The following TRIM49 variants were observed in gnomAD, a reference collection of about 807,000 sequenced individuals.
TRIM49 encodes the protein tripartite motif containing 49, also known as tripartite motif-containing protein 49.
TRIM49 carries 5 observed loss-of-function variants against 27.4 expected under a neutral mutation model. The observed-to-expected ratio is 0.18, with a 90% CI of 0.10 to 0.38. The LOEUF (loss-of-function observed/expected upper bound fraction) is 0.38, where lower values mean the gene tolerates loss of function less well. Among genes scored for constraint, TRIM49 ranks in the 10% least tolerant of loss-of-function variants. The pLI is 1.00. For synonymous variants in TRIM49, 69 were observed against 166.0 expected, an observed-to-expected ratio of 0.42 and a Z score of 4.49; for missense variants, 188 against 487.5, an observed-to-expected ratio of 0.39 and a Z score of 5.79.
chr11:89,805,517 T>A lies in TRIM49; in HGVS notation c.-4-1044A>T, dbSNP rs372605131. Among the ~76,000 whole-genome samples the A allele has an allele frequency of 5.8e-3, 870 of 148,784 alleles. 2 individuals carry two copies. Among genetic ancestry groups the A allele is most frequent in the African/African-American group, 0.021 (826 of 39,536 alleles). Reference sequence around the variant, plus strand: ...CTTCCTCCGTCTCTCTCCTGAAACTTGTTCTGAACCTTTCAGACTTGAGCT... The same window carrying A: ...CTTCCTCCGTCTCTCTCCTGAAACTAGTTCTGAACCTTTCAGACTTGAGCT... On this transcript the variant is annotated intron_variant, in intron 2 of 7. Transcript: ENST00000329758.
At position 89,798,415 on chromosome 11, in the gene TRIM49, A is replaced by G. The variant is rs1341885708; in HGVS notation, c.1074T>C (p.Cys358=). ...GDSWNWAFGV[C]NMYRKEKNQN... ...GATTCTTCTCTTTCCGATACATATT[A>G]CAGACACCAAAAGCCCAATTCCAGG... The change falls in exon 8 of 8, where the codon TGT becomes TGC. Residue 358 remains cysteine (C), a synonymous_variant. Coordinates refer to ENST00000329758, the MANE Select transcript of TRIM49 (RefSeq NM_020358.2). 10 of 1,603,202 alleles carry G rather than the reference A, an allele frequency of 6.2e-6. No individual in the cohort carries two copies. In the Admixed American group the frequency reaches 8.5e-5, roughly 14 times the overall value.
At chr11:89,773,117 G>A in the TRIM49 span, among the ~76,000 whole-genome samples, 209 of 136,440 alleles carry the variant, frequency 1.5e-3, 3 homozygotes, top group Middle Eastern at 0.011. Flanking sequence ...CTTGAACCTC[G>A]GAGGCAGAGG....
chr11:89,805,736 G>C (rs1051932707), intron 2 of TRIM49, among the ~76,000 whole-genome samples: 2 of 122,110 alleles, frequency 1.6e-5, no homozygotes, highest in East Asian at 4.6e-4. Context: ...TTTTTTTTTT[G>C]AGACAGAGTA....
the TRIM49 span, among the ~76,000 whole-genome samples, chr11:89,775,352 C>A: frequency 1.0e-4 from 10 of 99,004 alleles, no homozygotes; most frequent in African/African-American, 5.1e-4. Flanking sequence ...TGCACTCCAG[C>A]CTGAAGTCAG....
At position 89,802,494 on chromosome 11, in the gene TRIM49, C is replaced by T. The variant is rs569410390; in HGVS notation, c.508-562G>A. Among the ~76,000 whole-genome samples the T allele has an allele frequency of 1.4e-3, 216 of 150,960 alleles. 3 individuals are homozygous for T. The highest frequency in any genetic ancestry group is 2.1e-3 in the Non-Finnish European group (145 of 67,854). ...AACATAGACTTCTTTGTGGTTCTTC[C>T]GGCCTCCAAATATACACAAACTCAA... On this transcript the variant is annotated intron_variant, in intron 4 of 7. Coordinates refer to ENST00000329758, the MANE Select transcript of TRIM49 (RefSeq NM_020358.2).
chr11:89,794,450 A>G (rs1420125587), downstream of TRIM49, among the ~76,000 whole-genome samples: 1 of 151,148 alleles, frequency 6.6e-6, no homozygotes, highest in Admixed American at 6.6e-5. Context: ...AGCCAAAAGA[A>G]CAAAGCTGGA....
downstream of TRIM49, among the ~76,000 whole-genome samples, chr11:89,792,769 C>G (rs1277239997): frequency 1.3e-5 from 2 of 152,076 alleles, no homozygotes; most frequent in Non-Finnish European, 2.9e-5. Context: ...ATTTATAGCA[C>G]TAAATGCCCA....
chr11:89,785,116 G>T, the TRIM49 span, among the ~76,000 whole-genome samples: 1 of 147,092 alleles, frequency 6.8e-6, no homozygotes. Flanking sequence ...TTTTTATGGA[G>T]GCTGAGGCAG....
intron 2 of TRIM49, among the ~76,000 whole-genome samples, chr11:89,806,041 A>G (rs557515510): frequency 8.6e-5 from 13 of 150,668 alleles, no homozygotes; most frequent in Admixed American, 1.3e-4. Context: ...TTGTTTTAAT[A>G]TGATAGAATA....
chr11:89,807,738 G>C (rs1423097501), intron 1 of TRIM49, among the ~76,000 whole-genome samples: 4 of 150,806 alleles, frequency 2.7e-5, no homozygotes, highest in African/African-American at 9.9e-5. Context: ...GTATGACTCT[G>C]TAGCCCATGC....
the TRIM49 span, among the ~76,000 whole-genome samples, chr11:89,780,000 A>G: frequency 3.0e-5 from 3 of 101,524 alleles, no homozygotes; most frequent in Non-Finnish European, 4.4e-5. Context: ...AGATCTTAAT[A>G]CAAAATTACT....
the TRIM49 span, among the ~76,000 whole-genome samples, chr11:89,774,270 G>A: frequency 6.6e-6 from 1 of 151,184 alleles, no homozygotes; most frequent in African/African-American, 2.5e-5. Flanking sequence ...ACAGTGCTGG[G>A]ATTACAGGCA....
At chr11:89,787,553 C>T in the TRIM49 span, 4 of 761,668 alleles carry the variant, frequency 5.3e-6, no homozygotes, top group Non-Finnish European at 7.8e-6. Context: ...CTCTGCCGAC[C>T]CCTCCCCGCG....
At chr11:89,782,120 A>T in the TRIM49 span, 1 of 1,551,182 alleles carries the variant, frequency 6.4e-7, no homozygotes, top group Admixed American at 2.0e-5. Context: ...AACAGCAGAT[A>T]CCAATATCGT....
chr11:89,793,035 A>T (rs1324460639), downstream of TRIM49, among the ~76,000 whole-genome samples: 2 of 152,152 alleles, frequency 1.3e-5, no homozygotes, highest in Non-Finnish European at 2.9e-5. Flanking sequence ...AGAATCAAAT[A>T]GATGCAATAA....
chr11:89,790,715 A>T, the TRIM49 span, among the ~76,000 whole-genome samples: 2 of 151,976 alleles, frequency 1.3e-5, no homozygotes, highest in African/African-American at 4.8e-5. Context: ...AAACTAACAA[A>T]CAGAAAGGAC....
intron 6 of TRIM49, among the ~76,000 whole-genome samples, chr11:89,800,093 A>C (rs1165590501): frequency 6.6e-6 from 1 of 150,552 alleles, no homozygotes; most frequent in Non-Finnish European, 1.5e-5. Flanking sequence ...TTTAGAAACG[A>C]AATTCTGAGT....
downstream of TRIM49, chr11:89,797,591 T>C (rs1949700651): frequency 6.6e-6 from 1 of 152,356 alleles, no homozygotes; most frequent in Non-Finnish European, 1.5e-5. Context: ...ACACTAATAA[T>C]GAAGGATTAT....
the TRIM49 span, among the ~76,000 whole-genome samples, chr11:89,790,642 C>T: frequency 2.6e-5 from 4 of 151,936 alleles, no homozygotes; most frequent in Non-Finnish European, 4.4e-5. Context: ...CAAACAGTGT[C>T]TGGAGTGGAC....
Sources: allele counts gnomAD v4.1 joint callset (sites outside exome capture counted in the v4.1 genomes callset), GRCh38; gene constraint gnomAD v4.1.1; transcripts MANE v1.5; gene names NCBI Gene and HGNC (gene_info 2026-07-23, HGNC 2026-07-21).